The following PLG variants were observed in gnomAD, a reference collection of about 807,000 sequenced individuals.
PLG encodes plasminogen, also known as plasmin.
Under a neutral mutation model 104.4 loss-of-function variants are expected in PLG, and 41 were observed. The observed-to-expected ratio is 0.39, with a 90% CI of 0.31 to 0.51. PLG has a LOEUF of 0.51. PLG is among the 20% of genes least tolerant of loss of function. The pLI is 0.76. For missense variants in PLG, 891 were observed against 1,003.6 expected, an observed-to-expected ratio of 0.89 and a Z score of 1.52; for synonymous variants, 337 against 357.1, an observed-to-expected ratio of 0.94 and a Z score of 0.63.
At chr6:160,722,010 G>A (rs142751081) in intron 9 of PLG, among the ~76,000 whole-genome samples, 1 of 152,258 alleles carries the variant, frequency 6.6e-6, no homozygotes, top group Non-Finnish European at 1.5e-5. Context: ...TTTGAGGAAG[G>A]AGCTAGAGAA....
At chr6:160,720,003 C>A (rs1777802539) in intron 9 of PLG, among the ~76,000 whole-genome samples, 1 of 150,636 alleles carries the variant, frequency 6.6e-6, no homozygotes, top group Non-Finnish European at 1.5e-5. Flanking sequence ...GTGTCAGTTT[C>A]TTTCTGTGAA....
Position 160,718,796 on chromosome 6 carries a change from T to C in PLG, c.1054T>C (p.Cys352Arg), listed in dbSNP as rs751173845. The stretch of plus-strand genomic sequence containing the variant: ...GTGGGAGTACTGTAAGATACCGTCC[T>C]GTGACTCCTCCCCAGTATCCACGGA... The part of the protein sequence containing the change: ...VRWEYCKIPS[C>R]DSSPVSTEQL... Residue 352 changes from cysteine (C) to arginine (R), a missense_variant, in exon 9 of 19, where the codon TGT becomes CGT. By Grantham distance (180) the Cys-to-Arg change is radical. This residue lies in a region of PLG where 854 missense variants were observed against 932.1 expected (regional missense o/e 0.92). Coordinates refer to ENST00000308192, the MANE Select transcript of PLG (RefSeq NM_000301.5). The C allele has an allele frequency of 6.2e-7, 1 of 1,613,894 alleles. No individual in the cohort carries two copies. Among genetic ancestry groups the C allele is most frequent in the Non-Finnish European group, 8.5e-7 (1 of 1,179,768 alleles).
Position 160,746,184 on chromosome 6 carries a change from T to C in PLG, c.2125+4767T>C, listed in dbSNP as rs570199773. On this transcript the variant is annotated intron_variant, in intron 17 of 18. Transcript: ENST00000308192. ...TTGACTATTGGCCTCTCTAGCAAGGTTGAAGAAGTTTTCATGGACAATATC... is the reference window on the plus strand; with the variant it reads ...TTGACTATTGGCCTCTCTAGCAAGGCTGAAGAAGTTTTCATGGACAATATC... 2.8e-4 allele frequency among the ~76,000 whole-genome samples: 43 copies of C among 152,378 alleles called. 1 individual carries two copies. In the South Asian group the frequency reaches 8.3e-3, roughly 29 times the overall value.
intron 7 of PLG, among the ~76,000 whole-genome samples, chr6:160,717,896 A>C (rs968130003): frequency 1.3e-5 from 2 of 152,226 alleles, no homozygotes; most frequent in Non-Finnish European, 2.9e-5. Context: ...AAGCCAAGAC[A>C]GGCCAGAACA....
chr6:160,734,143 A>G lies in PLG; in HGVS notation c.1681+55A>G, dbSNP rs116448506. 1 of 1,020,202 alleles carries G rather than the reference A, an allele frequency of 9.8e-7. No individual in the cohort carries two copies. Among genetic ancestry groups the G allele is most frequent in the African/African-American group, 1.6e-5 (1 of 63,324 alleles). The allele number at this position is 1,020,202 out of a possible 1,614,324, so 63.2% of individuals were successfully genotyped here. A position where few individuals can be genotyped will look rare whatever the true frequency, so the allele number is the denominator to read the frequency against. On this transcript the variant is annotated intron_variant, in intron 13 of 18. Transcript: ENST00000308192. This position sits in a 1 kb window ranked among gnomAD's most constrained non-coding sequence, Gnocchi z 4.4. ...TGCTTACTTAATATGGATTTGCAAC[A>G]AAAAAGGAAAAGGGCTTCTGAGCAG...
chr6:160,749,615 TATCACCACCACCATC>T (rs910721122), intron 17 of PLG, among the ~76,000 whole-genome samples: 11 of 118,934 alleles, frequency 9.2e-5, no homozygotes, highest in African/African-American at 3.6e-4. Context: ...TCACTACCAT[TATCACCACCACCATC>T]ATCACCACCA....
chr6:160,746,606 T>C (rs971205458), intron 17 of PLG, among the ~76,000 whole-genome samples: 1 of 152,254 alleles, frequency 6.6e-6, no homozygotes, highest in Non-Finnish European at 1.5e-5. Context: ...TCTTCATTCC[T>C]ATCCATAGTC....
rs1454370289 is a variant in PLG at position 160,731,274 on chromosome 6, G to A, written c.1438+42G>A. On this transcript the variant is annotated intron_variant, in intron 11 of 18. Coordinates refer to ENST00000308192, the MANE Select transcript of PLG (RefSeq NM_000301.5). This position sits in a 1 kb window ranked among gnomAD's most constrained non-coding sequence, Gnocchi z 5.1. The stretch of plus-strand genomic sequence containing the variant: ...TGGACATCTACACACTTGGACGCTG[G>A]GATGAAAAGCCATGGAAAATCTCAC... 1.3e-6 allele frequency: 2 copies of A among 1,532,714 alleles called. No individual in the cohort carries two copies. Among genetic ancestry groups the A allele is most frequent in the Non-Finnish European group, 1.8e-6 (2 of 1,105,836 alleles). The allele number at this position is 1,532,714 out of a possible 1,614,324, so 94.9% of individuals were successfully genotyped here.
chr6:160,722,644 C>A, intron 10 of PLG, 77 bp downstream of exon 10: 1 of 1,348,136 alleles, frequency 7.4e-7, no homozygotes, highest in Non-Finnish European at 1.1e-6. Flanking sequence ...CTTCATGCTT[C>A]AAGCCAACTT....
chr6:160,722,601 C>T (rs1312602134), intron 10 of PLG, 34 bp downstream of exon 10: 2 of 1,597,442 alleles, frequency 1.3e-6, no homozygotes, highest in African/African-American at 2.7e-5. Flanking sequence ...AGAGGGGCAT[C>T]AGCCAACTGA....
rs941360440 is a variant in PLG at position 160,741,012 on chromosome 6, G to A, written c.2019-299G>A. On this transcript the variant is annotated intron_variant, in intron 16 of 18. Transcript: ENST00000308192. This position sits in a 1 kb window ranked among gnomAD's most constrained non-coding sequence, Gnocchi z 4.7. ...ACACACTCAGCATGAGATTCCAGTT[G>A]TGCACAGAATATACATGAGAAGTGC... is the stretch of plus-strand genomic sequence containing the variant. Among the ~76,000 whole-genome samples, 1 of 152,172 alleles carries A rather than the reference G, an allele frequency of 6.6e-6. No homozygotes were observed. The highest frequency in any genetic ancestry group is 1.5e-5 in the Non-Finnish European group (1 of 68,030).
chr6:160,719,926 C>A lies in PLG; in HGVS notation c.1096+1088C>A, dbSNP rs182176675. ...AGAATAAAACTATTTTAAATATTTT[C>A]TTTATTTATTTATTTTACCATTTCT... On this transcript the variant is annotated intron_variant, in intron 9 of 18. Coordinates refer to ENST00000308192, the MANE Select transcript of PLG (RefSeq NM_000301.5). The surrounding 1 kb of genome is among the most constrained non-coding windows in gnomAD (Gnocchi z 4.1). Among the ~76,000 whole-genome samples the A allele has an allele frequency of 1.8e-4, 27 of 152,178 alleles. No individual in the cohort carries two copies. In the East Asian group the frequency reaches 3.1e-3, roughly 17 times the overall value.
intron 17 of PLG, among the ~76,000 whole-genome samples, chr6:160,751,491 T>C (rs1778399065): frequency 6.6e-6 from 1 of 152,256 alleles, no homozygotes; most frequent in Non-Finnish European, 1.5e-5. Context: ...TATTCTTTTT[T>C]ATTGCAATAA....
At position 160,738,595 on chromosome 6, in the gene PLG, T is replaced by C. The variant is rs778879651; in HGVS notation, c.1860T>C (p.Ala620=). The part of the protein sequence containing the change: ...TLISPEWVLT[A]AHCLEKSPRP... ...TATCCCCAGAGTGGGTGTTGACTGCTGCCCACTGCTTGGAGAAGTATGTTT... is the reference window on the plus strand; with the variant it reads ...TATCCCCAGAGTGGGTGTTGACTGCCGCCCACTGCTTGGAGAAGTATGTTT... The change falls in exon 15 of 19, where the codon GCT becomes GCC. Residue 620 remains alanine, a synonymous_variant. Coordinates refer to ENST00000308192, the MANE Select transcript of PLG (RefSeq NM_000301.5). This position sits in a 1 kb window ranked among gnomAD's most constrained non-coding sequence, Gnocchi z 6.8. 8 of 1,606,018 alleles carry C rather than the reference T, an allele frequency of 5.0e-6. No homozygotes were observed. The East Asian group carries it at 1.8e-4, about 36-fold the overall frequency.
intron 10 of PLG, among the ~76,000 whole-genome samples, chr6:160,728,416 A>G (rs866938449): frequency 1.2e-4 from 19 of 152,182 alleles, no homozygotes; most frequent in Non-Finnish European, 2.4e-4. Flanking sequence ...CGTTTTTTTT[A>G]AAAAATGTGA....
intron 17 of PLG, among the ~76,000 whole-genome samples, chr6:160,748,840 G>C: frequency 6.6e-6 from 1 of 152,168 alleles, no homozygotes; most frequent in Non-Finnish European, 1.5e-5. Flanking sequence ...AAGAAATAAG[G>C]AAGGCCACTC....
chr6:160,711,357 A>G (rs537517059), intron 4 of PLG, 166 bp downstream of exon 4: 11 of 706,656 alleles, frequency 1.6e-5, no homozygotes, highest in South Asian at 1.5e-4. Flanking sequence ...CTTCTCTTGT[A>G]TAATCCCTAA....
rs1318444457 is a variant in PLG at position 160,748,411 on chromosome 6, A to G, written c.2126-3704A>G. Among the ~76,000 whole-genome samples the G allele has an allele frequency of 7.8e-3, 412 of 52,522 alleles. 35 individuals are homozygous for G. The highest frequency in any genetic ancestry group is 0.016 in the African/African-American group (248 of 15,214). 34.5% of individuals were successfully genotyped at this position (52,522 alleles called of 152,430 possible). ...AAGAAAGAAAGAAAGGAAGAAAGAA[A>G]GAAAGGGAAAGAAAGAGAACGAAAG... is the stretch of plus-strand genomic sequence containing the variant. On this transcript the variant is annotated intron_variant, in intron 17 of 18. Transcript: ENST00000308192.
At position 160,737,800 on chromosome 6, in the gene PLG, G is replaced by A. The variant is rs1778112338; in HGVS notation, c.1803-738G>A. ...TGATCGCATTGCATTTCACTCTGCT[G>A]TTGAGTCGATTTTTCTTTATTTTAT... On this transcript the variant is annotated intron_variant, in intron 14 of 18. Coordinates refer to ENST00000308192, the MANE Select transcript of PLG (RefSeq NM_000301.5). The surrounding 1 kb of genome is among the most constrained non-coding windows in gnomAD (Gnocchi z 4.7). Among the ~76,000 whole-genome samples, 1 of 152,152 alleles carries A rather than the reference G, an allele frequency of 6.6e-6. No homozygotes were observed. Among genetic ancestry groups the A allele is most frequent in the South Asian group, 2.1e-4 (1 of 4,828 alleles).
Sources: allele counts gnomAD v4.1 joint callset (sites outside exome capture counted in the v4.1 genomes callset), GRCh38; gene constraint gnomAD v4.1.1; regional missense constraint gnomAD v4.1.1; non-coding constraint Gnocchi (gnomAD v3.1); transcripts MANE v1.5; gene names NCBI Gene and HGNC (gene_info 2026-07-23, HGNC 2026-07-21).